The following CABIN1 variants were observed in gnomAD, a reference collection of about 807,000 sequenced individuals.
CABIN1 encodes calcineurin binding protein 1, also known as calcineurin-binding protein cabin-1.
CABIN1 carries 133 observed loss-of-function variants against 227.7 expected under a neutral mutation model. The ratio of observed to expected loss-of-function variants is 0.58; its 90% CI spans 0.51 to 0.67. The LOEUF is 0.67. CABIN1 is among the 30% of genes least tolerant of loss of function. The pLI, the probability that CABIN1 is intolerant of heterozygous loss-of-function variation, is 0.00. For synonymous variants in CABIN1, 1,086 were observed against 1,155.1 expected (o/e 0.94, Z 1.21); for missense variants, 2,408 against 2,852.5 (o/e 0.84, Z 3.55).
At chr22:24,065,487 G>A (rs1464995820) in intron 15 of CABIN1, among the ~76,000 whole-genome samples, 1 of 151,658 alleles carries the variant, frequency 6.6e-6, no homozygotes, top group Non-Finnish European at 1.5e-5. Context: ...TAGATGGGAT[G>A]GTGTCCGGGC....
At chr22:24,031,753 TG>T (rs2036515245) in intron 1 of CABIN1, among the ~76,000 whole-genome samples, 1 of 152,142 alleles carries the variant, frequency 6.6e-6, no homozygotes, top group Non-Finnish European at 1.5e-5. Flanking sequence ...TAATCTCCAG[TG>T]GGCTCCATAG....
intron 9 of CABIN1, 25 bp from the exon 10 acceptor site, chr22:24,056,167 A>AT (rs1433563175): frequency 6.2e-7 from 1 of 1,611,140 alleles, no homozygotes. Flanking sequence ...ACCGTGTAAG[A>AT]TTTTAATTTG....
Position 24,167,143 on chromosome 22 carries a change from G to A in CABIN1, c.5512G>A (p.Glu1838Lys). 1 of 1,597,324 alleles carries A rather than the reference G, an allele frequency of 6.3e-7. No individual in the cohort carries two copies. The highest frequency in any genetic ancestry group is 8.5e-7 in the Non-Finnish European group (1 of 1,173,752). Residue 1838 changes from glutamate (E) to lysine (K), a missense_variant, in exon 32 of 37, where the codon GAG (glutamate) becomes AAG (lysine). By Grantham distance (56) the Glu-to-Lys change is moderately conservative. Coordinates refer to ENST00000263119, the MANE Select transcript of CABIN1 (RefSeq NM_012295.4). ...GACCAGGGCAGGGGGCCACCCGGAG[G>A]AGCCGCTCTCCCGGCTCAGCCGCAA... Reference protein sequence around the residue: ...TGTRAGGHPEEPLSRLSRKRK... With the variant: ...TGTRAGGHPEKPLSRLSRKRK...
At chr22:24,036,389 G>A (rs1176928866) in intron 3 of CABIN1, among the ~76,000 whole-genome samples, 8 of 152,208 alleles carry the variant, frequency 5.3e-5, no homozygotes, top group Non-Finnish European at 1.0e-4. Context: ...ATCAGTGTAT[G>A]TGAAGGCCAG....
At chr22:24,102,746 A>C (rs1006716651) in intron 26 of CABIN1, among the ~76,000 whole-genome samples, 6 of 152,056 alleles carry the variant, frequency 3.9e-5, no homozygotes, top group African/African-American at 1.4e-4. Context: ...GGAGCCTTGG[A>C]GGCTGGTATC....
In CABIN1 at chr22:24,176,378, G is replaced by C. The variant is rs1352202000; in HGVS notation, c.6205+103G>C. On this transcript the variant is annotated intron_variant, in intron 35 of 36. Transcript: ENST00000263119. ...GCCTGGCCTTGAAGGGCAGGGCCTG[G>C]GGATGCCCCATGGAATGAGATGGGG... is the stretch of plus-strand genomic sequence containing the variant. 6.1e-6 allele frequency: 8 copies of C among 1,311,668 alleles called. No homozygotes were observed. The Admixed American group carries it at 7.9e-5, about 13-fold the overall frequency. 81.3% of individuals were successfully genotyped at this position (1,311,668 alleles called of 1,614,324 possible).
intron 29 of CABIN1, among the ~76,000 whole-genome samples, chr22:24,146,502 G>C (rs1276658272): frequency 1.3e-5 from 2 of 152,094 alleles, no homozygotes; most frequent in East Asian, 1.9e-4. Flanking sequence ...GTGGAGAGGG[G>C]GTGCTTCCTG....
Position 24,152,418 on chromosome 22 carries a change from G to A in CABIN1, c.4747-11982G>A, listed in dbSNP as rs181577008. The stretch of plus-strand genomic sequence containing the variant: ...GGAGAAACGCACTTCACTCTGTCTC[G>A]ACCGTTGGGGAAAGGAGAGGAAACT... On this transcript the variant is annotated intron_variant, in intron 29 of 36. Transcript: ENST00000263119. 3.3e-5 allele frequency among the ~76,000 whole-genome samples: 5 copies of A among 152,278 alleles called. No homozygotes were observed. In the East Asian group the frequency reaches 9.6e-4, roughly 29 times the overall value.
rs2040936754 is a variant in CABIN1 at position 24,083,329 on chromosome 22, G to A, written c.2850G>A (p.Leu950=). The change falls in exon 20 of 37, where the codon CTG becomes CTA. Residue 950 remains leucine (L), a synonymous_variant. Transcript: ENST00000263119. ...ETALEQCFYC[L]YSFPSKKSKA... is the part of the protein sequence containing the mutation. ...CCTTGGAGCAGTGCTTCTACTGCCTGTACAGCTTCCCCAGCAAGAAGAGTA... is the reference window on the plus strand; with the variant it reads ...CCTTGGAGCAGTGCTTCTACTGCCTATACAGCTTCCCCAGCAAGAAGAGTA... 1.2e-6 allele frequency: 2 copies of A among 1,613,910 alleles called. No individual in the cohort carries two copies. Among genetic ancestry groups the A allele is most frequent in the Non-Finnish European group, 8.5e-7 (1 of 1,180,024 alleles).
In CABIN1 at chr22:24,056,228, T is replaced by TA. The variant is rs1294874833; in HGVS notation, c.1134dup (p.Arg379ThrfsTer50). ...GGGGGAGATAAATCCAAGAAAGGGG[T>TA]AAAACGGAAGAAGATTTCAGAAGAG... On this transcript the variant is annotated frameshift_variant, in exon 10 of 37. Coordinates refer to ENST00000263119, the MANE Select transcript of CABIN1 (RefSeq NM_012295.4). LOFTEE classifies it high-confidence loss of function. 4 of 1,613,770 alleles carry TA rather than the reference T, an allele frequency of 2.5e-6. No homozygotes were observed. The highest frequency in any genetic ancestry group is 3.4e-6 in the Non-Finnish European group (4 of 1,179,948).
chr22:24,168,576 A>G (rs897511656), intron 33 of CABIN1, 55 bp downstream of exon 33: 5 of 1,353,594 alleles, frequency 3.7e-6, no homozygotes, highest in Non-Finnish European at 5.2e-6. Flanking sequence ...CTCCATATCA[A>G]GGCCCTAGGA....
intron 18 of CABIN1, 150 bp downstream of exon 18, chr22:24,072,660 C>A: frequency 1.0e-6 from 1 of 962,918 alleles, no homozygotes. Flanking sequence ...TGGACAGAGG[C>A]AGAAGTGTCC....
intron 29 of CABIN1, among the ~76,000 whole-genome samples, chr22:24,159,072 C>T (rs1036671957): frequency 6.6e-6 from 1 of 152,196 alleles, no homozygotes; most frequent in Non-Finnish European, 1.5e-5. Context: ...GGCTTCTCTT[C>T]CCCCCAGGGG....
At chr22:24,095,846 C>T in intron 24 of CABIN1, 85 bp from the exon 25 acceptor site, 1 of 1,476,170 alleles carries the variant, frequency 6.8e-7, no homozygotes, top group Non-Finnish European at 9.4e-7. Context: ...TGGTCATGGG[C>T]CCATTTCCAG....
In CABIN1 at chr22:24,168,433, A is replaced by C; in HGVS notation, c.5683-14A>C. ...TGGCCTGCGCCCCCTGACTTCCAGC[A>C]TCTCCCTGTTAAGGTGGATGAGGAG... On this transcript the variant is annotated splice_polypyrimidine_tract_variant and intron_variant, in intron 32 of 36. Transcript: ENST00000263119. 6.4e-7 allele frequency: 1 copy of C among 1,565,984 alleles called. No homozygotes were observed. The highest frequency in any genetic ancestry group is 8.7e-7 in the Non-Finnish European group (1 of 1,155,412).
At position 24,060,144 on chromosome 22, in the gene CABIN1, TA is replaced by T. The variant is rs749815227; in HGVS notation, c.1617+4del. On this transcript the variant is annotated splice_donor_region_variant and intron_variant, in intron 12 of 36. Coordinates refer to ENST00000263119, the MANE Select transcript of CABIN1 (RefSeq NM_012295.4). ...ACTGCAGCAACAAGCACATCAAGGT[TA>T]GGGGGAGCCTCTCAAGGGCTGGTAT... is the stretch of plus-strand genomic sequence containing the variant. The T allele has an allele frequency of 1.2e-6, 2 of 1,612,738 alleles. No individual in the cohort carries two copies. Among genetic ancestry groups the T allele is most frequent in the Non-Finnish European group, 1.7e-6 (2 of 1,179,780 alleles).
chr22:24,097,964 C>G (rs1287115048), intron 25 of CABIN1, 50 bp from the exon 26 acceptor site: 1 of 1,609,160 alleles, frequency 6.2e-7, no homozygotes, highest in African/African-American at 1.3e-5. Context: ...ACATCTGTTT[C>G]AATGTGAGGT....
At chr22:24,133,338 A>G (rs147759897) in intron 28 of CABIN1, among the ~76,000 whole-genome samples, 2 of 152,354 alleles carry the variant, frequency 1.3e-5, no homozygotes, top group Non-Finnish European at 2.9e-5. Flanking sequence ...GATTAGGGGA[A>G]TGGTTCAGTA....
At chr22:24,055,273 A>G in intron 9 of CABIN1, 114 bp downstream of exon 9, 2 of 1,250,088 alleles carry the variant, frequency 1.6e-6, no homozygotes, top group Non-Finnish European at 2.2e-6. Context: ...GCTGATGCTC[A>G]TGACTCAAGT....
Sources: allele counts gnomAD v4.1 joint callset (sites outside exome capture counted in the v4.1 genomes callset), GRCh38; gene constraint gnomAD v4.1.1; transcripts MANE v1.5; gene names NCBI Gene and HGNC (gene_info 2026-07-23, HGNC 2026-07-21).